The following POLR1B variants were observed in gnomAD, a reference collection of about 807,000 sequenced individuals.
The protein encoded by POLR1B is DNA-directed RNA polymerase I subunit RPA2.
Under a neutral mutation model 105.8 loss-of-function variants are expected in POLR1B, and 30 were observed. That is an observed-to-expected ratio of 0.28 (90% CI 0.21 to 0.38). The LOEUF (loss-of-function observed/expected upper bound fraction) is 0.38, where lower values mean the gene tolerates loss of function less well. Ranked by LOEUF, POLR1B falls within the 10% of genes least tolerant of loss-of-function variation. The probability of loss-of-function intolerance (pLI) is 1.00; values close to 1 mark genes in which losing one functional copy is unlikely to be tolerated. For synonymous variants in POLR1B, 485 were observed against 505.1 expected (o/e 0.96, Z 0.53); for missense variants, 976 against 1,435.8 (o/e 0.68, Z 5.17).
rs746194545 is a variant in POLR1B, at chr2:112,559,522, T to A, written c.1560T>A (p.Val520=). 2.5e-6 allele frequency: 4 copies of A among 1,614,122 alleles called. No individual in the cohort carries two copies. The highest frequency in any genetic ancestry group is 2.5e-6 in the Non-Finnish European group (3 of 1,180,036). ...ACCACCTAACTGCCGTATGTGAGGT[T>A]GTCACACAGTTTGTGTATACGGCAT... ...LMNHLTAVCE[V]VTQFVYTASI... Residue 520 remains valine, a synonymous_variant, in exon 9 of 15, where the codon GTT becomes GTA. Coordinates refer to ENST00000263331, the MANE Select transcript of POLR1B (RefSeq NM_019014.6).
chr2:112,563,772 C>T (rs1004105649), intron 9 of POLR1B, among the ~76,000 whole-genome samples: 1 of 152,016 alleles, frequency 6.6e-6, no homozygotes, highest in Non-Finnish European at 1.5e-5. Flanking sequence ...CATGATGGCA[C>T]GCACCTGTCA....
chr2:112,571,955 T>C (rs991255818), intron 12 of POLR1B, among the ~76,000 whole-genome samples: 9 of 152,220 alleles, frequency 5.9e-5, no homozygotes, highest in Admixed American at 5.2e-4. Flanking sequence ...TTGAGGGTGG[T>C]CTAGTAAGAG....
At chr2:112,563,730 T>G (rs2104554609) in intron 9 of POLR1B, among the ~76,000 whole-genome samples, 1 of 151,670 alleles carries the variant, frequency 6.6e-6, no homozygotes, top group East Asian at 1.9e-4. Context: ...AGACCCTGTC[T>G]CTACAAAAAA....
intron 12 of POLR1B, among the ~76,000 whole-genome samples, chr2:112,572,173 C>G (rs1365286754): frequency 6.6e-6 from 1 of 152,124 alleles, no homozygotes; most frequent in Non-Finnish European, 1.5e-5. Flanking sequence ...AATTCCTATC[C>G]CCTTTTCTTC....
In POLR1B at chr2:112,572,659, C is replaced by T; in HGVS notation, c.2172C>T (p.Pro724=). The T allele has an allele frequency of 1.9e-6, 3 of 1,613,428 alleles. No individual in the cohort carries two copies. The highest frequency in any genetic ancestry group is 2.5e-6 in the Non-Finnish European group (3 of 1,179,600). The change falls in exon 13 of 15, where the codon CCC becomes CCT. Residue 724 remains proline (P), a synonymous_variant. Coordinates refer to ENST00000263331, the MANE Select transcript of POLR1B (RefSeq NM_019014.6). Reference sequence around the variant, plus strand: ...CTCCTCAGAGTCCCTTGGTGAGACCCTCCATGTATGATTATTATGACATGG... The same window carrying T: ...CTCCTCAGAGTCCCTTGGTGAGACCTTCCATGTATGATTATTATGACATGG... ...LQTPQSPLVR[P]SMYDYYDMDN...
At chr2:112,570,024 TTTTC>T in intron 12 of POLR1B, among the ~76,000 whole-genome samples, 1 of 152,138 alleles carries the variant, frequency 6.6e-6, no homozygotes, top group South Asian at 2.1e-4. Flanking sequence ...CTGTTCTCTT[TTTTC>T]TTTATTTTCT....
At chr2:112,562,553 T>C (rs1384280318) in intron 9 of POLR1B, among the ~76,000 whole-genome samples, 1 of 152,150 alleles carries the variant, frequency 6.6e-6, no homozygotes, top group Non-Finnish European at 1.5e-5. Flanking sequence ...CACTATGCTG[T>C]AAATATTTCA....
chr2:112,551,049 G>C, intron 5 of POLR1B, 47 bp downstream of exon 5: 1 of 1,560,076 alleles, frequency 6.4e-7, no homozygotes, highest in South Asian at 1.1e-5. Flanking sequence ...AATTCACTGG[G>C]GGTAGTATCC....
In POLR1B at chr2:112,551,799, C is replaced by A. The variant is rs767074859; in HGVS notation, c.787C>A (p.Gln263Lys). ...GGCACTTGTCAGCTTTTCTGATTAT[C>A]AGATCTTTCAGGAGCTCATCAAAGG... ...LKALVSFSDYQIFQELIKGKE... is the reference protein window; with the variant it reads ...LKALVSFSDYKIFQELIKGKE... The change falls in exon 6 of 15, where the codon CAG (glutamine) becomes AAG (lysine). Residue 263 changes from glutamine to lysine, a missense_variant. Coordinates refer to ENST00000263331, the MANE Select transcript of POLR1B (RefSeq NM_019014.6). 3.1e-6 allele frequency: 5 copies of A among 1,613,664 alleles called. No individual in the cohort carries two copies. The highest frequency in any genetic ancestry group is 1.1e-5 in the South Asian group (1 of 91,034).
In POLR1B at chr2:112,576,831, G is replaced by T. The variant is rs1042551894; in HGVS notation, c.*1102G>T. The T allele has an allele frequency of 1.3e-5, 2 of 152,304 alleles. No homozygotes were observed. The highest frequency in any genetic ancestry group is 1.3e-4 in the Admixed American group (2 of 15,304). The allele number at this position is 152,304 out of a possible 1,614,324, so 9.4% of individuals were successfully genotyped here. Reference sequence around the variant, plus strand: ...CCACCTCGGCCTCCGAAAGTGCTAGGATTACAGGTGTGAGCCACTGTGCCT... The same window carrying T: ...CCACCTCGGCCTCCGAAAGTGCTAGTATTACAGGTGTGAGCCACTGTGCCT... On this transcript the variant is annotated 3_prime_UTR_variant, in exon 15 of 15. Transcript: ENST00000263331.
At chr2:112,568,969 A>G in intron 12 of POLR1B, 67 bp downstream of exon 12, 1 of 1,462,790 alleles carries the variant, frequency 6.8e-7, no homozygotes, top group South Asian at 1.3e-5. Flanking sequence ...ACACTCTTTT[A>G]TTGTCCTTAT....
chr2:112,542,274 T>A, upstream of POLR1B: 1 of 1,533,686 alleles, frequency 6.5e-7, no homozygotes, highest in Non-Finnish European at 8.7e-7. Context: ...CGCCACGCTC[T>A]GGCTGGACAC....
In POLR1B at chr2:112,572,480, T is replaced by G. The variant is rs559160245; in HGVS notation, c.2075-82T>G. The G allele has an allele frequency of 7.2e-6, 7 of 976,786 alleles. No individual in the cohort carries two copies. The Admixed American group carries it at 1.6e-4, about 23-fold the overall frequency. The allele number at this position is 976,786 out of a possible 1,614,324, so 60.5% of individuals were successfully genotyped here. On this transcript the variant is annotated intron_variant, in intron 12 of 14. Coordinates refer to ENST00000263331, the MANE Select transcript of POLR1B (RefSeq NM_019014.6). The stretch of plus-strand genomic sequence containing the variant: ...TGTTCATTTTCCTCTGATGGATATT[T>G]AGTTGTTTCCAGTGTTGCGTATCAC...
intron 11 of POLR1B, among the ~76,000 whole-genome samples, chr2:112,568,424 T>C (rs1558664149): frequency 6.6e-6 from 1 of 152,178 alleles, no homozygotes; most frequent in Non-Finnish European, 1.5e-5. Context: ...AGCCGTGAAG[T>C]GAAAACATTC....
chr2:112,572,691 A>C lies in POLR1B; in HGVS notation c.2204A>C (p.Tyr735Ser), dbSNP rs771329131. 2 of 1,613,160 alleles carry C rather than the reference A, an allele frequency of 1.2e-6. No homozygotes were observed. Among genetic ancestry groups the C allele is most frequent in the Non-Finnish European group, 8.5e-7 (1 of 1,179,590 alleles). Reference protein sequence around the residue: ...SMYDYYDMDNYPIGTNAIVAV... With the variant: ...SMYDYYDMDNSPIGTNAIVAV... ...TATGATTATTATGACATGGATAACT[A>C]TCCAATTGGGACCAATGCCATCGTT... Residue 735 changes from tyrosine to serine, a missense_variant, in exon 13 of 15, where the codon TAT becomes TCT. This residue lies in a region of POLR1B where 46 missense variants were observed against 66.8 expected (regional missense o/e 0.69). Transcript: ENST00000263331.
At chr2:112,549,770 A>G (rs1450779972) in intron 4 of POLR1B, among the ~76,000 whole-genome samples, 2 of 152,140 alleles carry the variant, frequency 1.3e-5, no homozygotes, top group Non-Finnish European at 2.9e-5. Context: ...AGTTCTGGGG[A>G]TCTGATGTAC....
intron 9 of POLR1B, 59 bp from the exon 10 acceptor site, chr2:112,564,307 A>G: frequency 6.3e-7 from 1 of 1,591,240 alleles, no homozygotes; most frequent in Non-Finnish European, 8.6e-7. Flanking sequence ...ATCTGGAGGG[A>G]ATCTGGAATG....
chr2:112,568,200 G>A, intron 11 of POLR1B, 63 bp downstream of exon 11: 1 of 1,452,612 alleles, frequency 6.9e-7, no homozygotes, highest in Non-Finnish European at 9.4e-7. Flanking sequence ...AACTTTCAGA[G>A]ACTTAACTCT....
intron 9 of POLR1B, among the ~76,000 whole-genome samples, chr2:112,562,094 G>A (rs1012016713): frequency 6.6e-6 from 1 of 152,172 alleles, no homozygotes; most frequent in African/African-American, 2.4e-5. Context: ...GAGCTGACAA[G>A]AAGGCATGGC....
Sources: allele counts gnomAD v4.1 joint callset (sites outside exome capture counted in the v4.1 genomes callset), GRCh38; gene constraint gnomAD v4.1.1; regional missense constraint gnomAD v4.1.1; transcripts MANE v1.5; gene names NCBI Gene and HGNC (gene_info 2026-07-23, HGNC 2026-07-21).